Variants in PRDM10 observed in about 807,000 individuals in gnomAD.
The protein encoded by PRDM10 is PR domain zinc finger protein 10.
In PRDM10, 65 loss-of-function variants were observed where a neutral mutation model predicts 133.1. That is an observed-to-expected ratio of 0.49 (90% CI 0.40 to 0.60). The LOEUF is 0.60. Ranked by LOEUF, PRDM10 falls within the 20% of genes least tolerant of loss-of-function variation. PRDM10 has a pLI of 0.00. For missense variants in PRDM10, 1,137 were observed against 1,507.1 expected, an observed-to-expected ratio of 0.75 and a Z score of 4.07; for synonymous variants, 582 against 580.4, an observed-to-expected ratio of 1.00 and a Z score of -0.04.
Position 129,947,764 on chromosome 11 carries a change from T to C in PRDM10, c.295-394A>G. 2.6e-6 allele frequency: 1 copy of C among 379,372 alleles called. No individual in the cohort carries two copies. Among genetic ancestry groups the C allele is most frequent in the Non-Finnish European group, 5.0e-6 (1 of 200,708 alleles). 23.5% of individuals were successfully genotyped at this position (379,372 alleles called of 1,614,324 possible). On this transcript the variant is annotated intron_variant, in intron 4 of 20. Transcript: ENST00000360871. The surrounding 1 kb of genome is among the most constrained non-coding windows in gnomAD (Gnocchi z 4.6). ...CCTGGCTCATTCAGCCGTTTCACAC[T>C]GCTTGAGAGGCCTGCCCTGTCTCCC...
At position 129,918,287 on chromosome 11, in the gene PRDM10, T is replaced by TA. The variant is rs34931476; in HGVS notation, c.2214+251dup. On this transcript the variant is annotated intron_variant, in intron 14 of 20. Transcript: ENST00000360871. This position sits in a 1 kb window ranked among gnomAD's most constrained non-coding sequence, Gnocchi z 5.3. ...AACAAAAGTAGTAATGAAAAGTGATTAAAAAAAAAAAAAGAAAAAGAAAAA... is the reference window on the plus strand; with the variant it reads ...AACAAAAGTAGTAATGAAAAGTGATTAAAAAAAAAAAAAAGAAAAAGAAAAA... Among the ~76,000 whole-genome samples, 5,887 of 131,214 alleles carry TA rather than the reference T, an allele frequency of 0.045. 134 individuals are homozygous for TA. Among genetic ancestry groups the TA allele is most frequent in the South Asian group, 0.08 (331 of 4,114 alleles). 86.1% of individuals were successfully genotyped at this position (131,214 alleles called of 152,430 possible).
At chr11:129,941,557 C>T (rs1023021908) in intron 7 of PRDM10, among the ~76,000 whole-genome samples, 2 of 152,184 alleles carry the variant, frequency 1.3e-5, no homozygotes, top group Non-Finnish European at 2.9e-5. Flanking sequence ...CAGATATACA[C>T]GCGTTCCTGT....
At chr11:129,937,820 T>G in intron 7 of PRDM10, 150 bp from the exon 8 acceptor site, 2 of 605,908 alleles carry the variant, frequency 3.3e-6, no homozygotes, top group Non-Finnish European at 5.6e-6. Context: ...GAGCTCCCCT[T>G]GCAATACCTT....
chr11:129,956,277 T>C (rs566291121), intron 3 of PRDM10, among the ~76,000 whole-genome samples: 1 of 152,314 alleles, frequency 6.6e-6, no homozygotes, highest in South Asian at 2.1e-4. Flanking sequence ...CTAAAGTTTT[T>C]AAAAATCTGG....
intron 19 of PRDM10, among the ~76,000 whole-genome samples, chr11:129,907,603 T>C (rs1209361230): frequency 6.6e-6 from 1 of 151,890 alleles, no homozygotes; most frequent in Admixed American, 6.6e-5. Flanking sequence ...CGGGGTTTCA[T>C]TATGTTGGCC....
chr11:129,957,696 T>C (rs1402974546), intron 3 of PRDM10, 50 bp downstream of exon 3: 2 of 1,565,110 alleles, frequency 1.3e-6, no homozygotes, highest in East Asian at 2.3e-5. Flanking sequence ...ACACAAGTAA[T>C]TGGTTAATTA....
intron 4 of PRDM10, among the ~76,000 whole-genome samples, chr11:129,948,716 C>G (rs1951498741): frequency 6.6e-6 from 1 of 152,194 alleles, no homozygotes; most frequent in Admixed American, 6.5e-5. Context: ...GGCCAAAAAA[C>G]CCTAATTCAT....
chr11:129,972,785 G>A (rs952621800), intron 1 of PRDM10, among the ~76,000 whole-genome samples: 1 of 152,176 alleles, frequency 6.6e-6, no homozygotes, highest in Non-Finnish European at 1.5e-5. Context: ...CCCGCTTAGA[G>A]AAACAGTCCT....
chr11:129,909,907 T>C (rs543188477), intron 19 of PRDM10, among the ~76,000 whole-genome samples: 3 of 152,218 alleles, frequency 2.0e-5, no homozygotes, highest in South Asian at 2.1e-4. Flanking sequence ...CTGCCTGGGT[T>C]CCAATCCTCT....
At chr11:129,911,220 T>C (rs373709085) in intron 18 of PRDM10, among the ~76,000 whole-genome samples, 2 of 152,340 alleles carry the variant, frequency 1.3e-5, no homozygotes, top group East Asian at 3.9e-4. Context: ...GTTGGAAAGA[T>C]AAATGAAAGA....
chr11:129,922,533 C>T (rs1383880183), intron 13 of PRDM10, among the ~76,000 whole-genome samples: 1 of 152,170 alleles, frequency 6.6e-6, no homozygotes, highest in East Asian at 1.9e-4. Flanking sequence ...CAAATATACC[C>T]TTAGTTTTCC....
At chr11:129,989,413 C>T (rs1012710458) in intron 1 of PRDM10, among the ~76,000 whole-genome samples, 5 of 152,194 alleles carry the variant, frequency 3.3e-5, no homozygotes, top group African/African-American at 1.2e-4. Context: ...CAGCAGTATT[C>T]GGTCACAAGA....
intron 20 of PRDM10, among the ~76,000 whole-genome samples, chr11:129,903,300 A>AAATAATAAT (rs55765531): frequency 0.15 from 21,061 of 137,786 alleles, 1,717 homozygotes; most frequent in East Asian, 0.29. Flanking sequence ...CTCCGTCTCA[A>AAATAATAAT]AATAATAATA....
chr11:129,907,408 C>T (rs886613879), intron 19 of PRDM10, among the ~76,000 whole-genome samples: 4 of 152,064 alleles, frequency 2.6e-5, no homozygotes, highest in African/African-American at 7.2e-5. Flanking sequence ...TATGAGCAAA[C>T]CAACTTTTTT....
In PRDM10 at chr11:130,002,787, G is replaced by T. The variant is rs1324188497; in HGVS notation, c.-184C>A. 4.7e-6 allele frequency: 1 copy of T among 212,840 alleles called. No individual in the cohort carries two copies. Among genetic ancestry groups the T allele is most frequent in the Non-Finnish European group, 9.7e-6 (1 of 103,038 alleles). The allele number at this position is 212,840 out of a possible 1,614,324, so 13.2% of individuals were successfully genotyped here. Reference sequence around the variant, plus strand: ...CGATCCTCTCTCCCTAGGGGTGATAGAAATCAACCCCCCCCGCCACCTCCA... The same window carrying T: ...CGATCCTCTCTCCCTAGGGGTGATATAAATCAACCCCCCCCGCCACCTCCA... On this transcript the variant is annotated 5_prime_UTR_variant, in exon 1 of 21. Coordinates refer to ENST00000360871, the MANE Select transcript of PRDM10 (RefSeq NM_199437.2).
chr11:129,932,108 C>A lies in PRDM10; in HGVS notation c.1281G>T (p.Gly427=), dbSNP rs756805552. 2.5e-6 allele frequency: 4 copies of A among 1,613,840 alleles called. No individual in the cohort carries two copies. In the Admixed American group the frequency reaches 6.7e-5, roughly 27 times the overall value. ...CCTTCCCGTCCCCCCGTACCTGTGT[C>A]CCATCGTCACTCTTTTCCCCATTTT... The part of the protein sequence containing the change: ...TSENGEKSDD[G]TQDLLHFPTK... Residue 427 remains glycine, a synonymous_variant, in exon 10 of 21, where the codon GGG becomes GGT. Coordinates refer to ENST00000360871, the MANE Select transcript of PRDM10 (RefSeq NM_199437.2).
At chr11:129,950,610 G>A (rs904307444) in intron 4 of PRDM10, among the ~76,000 whole-genome samples, 11 of 152,126 alleles carry the variant, frequency 7.2e-5, no homozygotes, top group African/African-American at 2.7e-4. Flanking sequence ...AACCTGCAAG[G>A]AAGTGACTGT....
In PRDM10 at chr11:129,931,070, C is replaced by T; in HGVS notation, c.1476G>A (p.Val492=). The change falls in exon 11 of 21, where the codon GTG becomes GTA. Residue 492 remains valine (V), a synonymous_variant. Transcript: ENST00000360871. ...CGGCTGTCAGCGTGCTCTGGGTGGG[C>T]ACCACGCTCTCTTCATGCTGCGGCT... ...HLQPQHEESV[V]PTQSTLTADD... 2 of 1,614,198 alleles carry T rather than the reference C, an allele frequency of 1.2e-6. No homozygotes were observed. Among genetic ancestry groups the T allele is most frequent in the South Asian group, 1.1e-5 (1 of 91,082 alleles).
intron 3 of PRDM10, among the ~76,000 whole-genome samples, chr11:129,957,085 T>C (rs777828278): frequency 2.0e-5 from 3 of 152,216 alleles, no homozygotes; most frequent in Non-Finnish European, 2.9e-5. Context: ...TATTAAGAAG[T>C]GGTAGCTAAT....
Sources: gnomAD v4.1 joint callset for allele counts (sites outside exome capture counted in the v4.1 genomes callset) on GRCh38, gnomAD v4.1.1 for gene constraint, Gnocchi (gnomAD v3.1) non-coding constraint, MANE v1.5 for transcripts, NCBI Gene and HGNC (gene_info 2026-07-23, HGNC 2026-07-21) for gene names.